The following GAB4 variants were observed in gnomAD, a reference collection of about 807,000 sequenced individuals.
The protein encoded by GAB4 is GRB2 associated binding protein family member 4.
A neutral mutation model predicts 51.3 loss-of-function variants in GAB4; 26 were observed. That is an observed-to-expected ratio of 0.51 (90% CI 0.37 to 0.70). GAB4 has a LOEUF of 0.70. GAB4 is among the 30% of genes least tolerant of loss of function. The pLI, the probability that GAB4 is intolerant of heterozygous loss-of-function variation, is 0.00. For missense variants in GAB4, 759 were observed against 734.6 expected, an observed-to-expected ratio of 1.03 and a Z score of -0.38; for synonymous variants, 329 against 291.2, an observed-to-expected ratio of 1.13 and a Z score of -1.32.
intron 5 of GAB4, among the ~76,000 whole-genome samples, chr22:16,967,926 C>T (rs12157665): frequency 0.01 from 1,591 of 152,280 alleles, 27 homozygotes; most frequent in African/African-American, 0.036. Flanking sequence ...TCACCCACCA[C>T]CCCAGCAGCC....
rs1211745988 is a variant in GAB4, at chr22:16,970,077, T to C, written c.803A>G (p.His268Arg). The C allele has an allele frequency of 6.2e-7, 1 of 1,614,182 alleles. No individual in the cohort carries two copies. Among genetic ancestry groups the C allele is most frequent in the Non-Finnish European group, 8.5e-7 (1 of 1,180,032 alleles). ...GGGCTTGGAAAGGCTATGGAAGCCA[T>C]GGATGTGACCGCTGACCCCATCAAC... ...YSVDGVSGHI[H>R]GFHSLSKPSQ... is the part of the protein sequence containing the mutation. The change falls in exon 4 of 10, where the codon CAT becomes CGT. Residue 268 changes from histidine to arginine, a missense_variant. Coordinates refer to ENST00000400588, the MANE Select transcript of GAB4 (RefSeq NM_001037814.1).
chr22:17,002,657 C>T (rs922890860), intron 1 of GAB4, among the ~76,000 whole-genome samples: 2 of 151,978 alleles, frequency 1.3e-5, no homozygotes, highest in African/African-American at 4.8e-5. Context: ...GGAAGGGGAA[C>T]ATCACACACT....
intron 3 of GAB4, among the ~76,000 whole-genome samples, chr22:16,974,392 GA>G (rs1303517966): frequency 7.9e-5 from 12 of 152,230 alleles, no homozygotes; most frequent in Non-Finnish European, 1.3e-4. Context: ...GAGGAAGGCA[GA>G]AATGGCCAAG....
Position 16,987,956 on chromosome 22 carries a change from CT to C in GAB4, c.686+3del. 1.3e-6 allele frequency: 2 copies of C among 1,591,996 alleles called. No homozygotes were observed. Among genetic ancestry groups the C allele is most frequent in the Non-Finnish European group, 1.7e-6 (2 of 1,170,316 alleles). ...TGCCCCCACTGGCCATAGTAGCCCC[CT>C]ACCTTGCATGTTCTGCTCTCTGGCT... On this transcript the variant is annotated splice_donor_region_variant and intron_variant, in intron 3 of 9. Transcript: ENST00000400588.
At chr22:16,995,672 T>C (rs1377884145) in intron 1 of GAB4, among the ~76,000 whole-genome samples, 2 of 152,182 alleles carry the variant, frequency 1.3e-5, no homozygotes, top group African/African-American at 4.8e-5. Context: ...AGGCAAACAG[T>C]GTCTGGAGTG....
intron 1 of GAB4, among the ~76,000 whole-genome samples, chr22:17,002,381 C>G (rs2061004867): frequency 6.6e-6 from 1 of 152,076 alleles, no homozygotes; most frequent in African/African-American, 2.4e-5. Context: ...CCTTTACAGA[C>G]CAGCAAATGC....
intron 1 of GAB4, among the ~76,000 whole-genome samples, chr22:17,001,294 G>A (rs181446773): frequency 1.5e-3 from 226 of 152,250 alleles, no homozygotes; most frequent in Non-Finnish European, 2.4e-3. Flanking sequence ...CGTAGATTTG[G>A]TCTTTTCACA....
At chr22:17,001,134 G>C (rs2060994393) in intron 1 of GAB4, among the ~76,000 whole-genome samples, 1 of 152,020 alleles carries the variant, frequency 6.6e-6, no homozygotes, top group South Asian at 2.1e-4. Flanking sequence ...TGCTCTTCTC[G>C]AAGATTATCT....
intron 9 of GAB4, 83 bp from the exon 10 acceptor site, chr22:16,962,959 C>CA: frequency 7.4e-7 from 1 of 1,357,040 alleles, no homozygotes; most frequent in Non-Finnish European, 1.0e-6. Flanking sequence ...TGGGCTCTCT[C>CA]AAACTTTCTC....
intron 3 of GAB4, among the ~76,000 whole-genome samples, chr22:16,975,877 G>A (rs149266295): frequency 3.2e-4 from 48 of 152,272 alleles, no homozygotes; most frequent in East Asian, 2.3e-3. Context: ...GATATCTGCC[G>A]GTGATACAGA....
intron 3 of GAB4, among the ~76,000 whole-genome samples, 193 bp from the exon 4 acceptor site, chr22:16,970,386 T>C (rs2060720891): frequency 6.6e-6 from 1 of 152,212 alleles, no homozygotes; most frequent in African/African-American, 2.4e-5. Flanking sequence ...TTTCCCTTTC[T>C]GAATTAGTTT....
intron 8 of GAB4, among the ~76,000 whole-genome samples, chr22:16,964,290 G>A (rs1398492230): frequency 6.6e-6 from 1 of 152,196 alleles, no homozygotes; most frequent in African/African-American, 2.4e-5. Context: ...CTGGGTTTTG[G>A]CTGCTTTGCT....
intron 3 of GAB4, among the ~76,000 whole-genome samples, chr22:16,971,829 G>A (rs905605902): frequency 1.3e-5 from 2 of 152,208 alleles, no homozygotes; most frequent in African/African-American, 2.4e-5. Flanking sequence ...CAGGTGTGCA[G>A]GCCAGGCTAC....
intron 1 of GAB4, among the ~76,000 whole-genome samples, chr22:17,001,951 A>AC (rs1171011627): frequency 1.3e-5 from 2 of 151,268 alleles, no homozygotes; most frequent in Middle Eastern, 6.8e-3. Context: ...TGGGCATGGG[A>AC]CCCCCCGAGC....
intron 1 of GAB4, among the ~76,000 whole-genome samples, chr22:16,994,870 G>A (rs2060938719): frequency 6.6e-6 from 1 of 152,070 alleles, no homozygotes; most frequent in South Asian, 2.1e-4. Context: ...ATGATCTTAG[G>A]GTAAAACGTT....
intron 1 of GAB4, among the ~76,000 whole-genome samples, chr22:17,000,952 T>A (rs1221078477): frequency 6.6e-6 from 1 of 152,242 alleles, no homozygotes; most frequent in Admixed American, 6.5e-5. Context: ...TCTTTAAGAA[T>A]GTTGAATATT....
At chr22:16,988,470 C>T (rs2060887697) in intron 2 of GAB4, among the ~76,000 whole-genome samples, 1 of 152,238 alleles carries the variant, frequency 6.6e-6, no homozygotes, top group South Asian at 2.1e-4. Context: ...CCAGGCAAGA[C>T]AGCCTCTGCA....
Position 16,962,566 on chromosome 22 carries a change from T to C in GAB4, c.*167A>G, listed in dbSNP as rs1240020986. 5.8e-6 allele frequency: 3 copies of C among 513,908 alleles called. No individual in the cohort carries two copies. The highest frequency in any genetic ancestry group is 3.9e-5 in the African/African-American group (2 of 51,392). The allele number at this position is 513,908 out of a possible 1,614,324, so 31.8% of individuals were successfully genotyped here. ...AGCAAGGGGGTGAAGGTGGGGACCA[T>C]GGCCAGCCAAAGGCACAGGTGGGCC... is the stretch of plus-strand genomic sequence containing the variant. On this transcript the variant is annotated 3_prime_UTR_variant, in exon 10 of 10. Transcript: ENST00000400588.
At chr22:16,966,019 C>G (rs1468326882) in intron 6 of GAB4, 81 bp downstream of exon 6, 67 of 1,345,500 alleles carry the variant, frequency 5.0e-5, no homozygotes, top group Non-Finnish European at 6.9e-5. Context: ...GTCAGACGTT[C>G]CACATCCAGG....
Sources: allele counts gnomAD v4.1 joint callset (sites outside exome capture counted in the v4.1 genomes callset), GRCh38; gene constraint gnomAD v4.1.1; transcripts MANE v1.5; gene names NCBI Gene and HGNC (gene_info 2026-07-23, HGNC 2026-07-21).